Variants in NCOR2 observed in about 807,000 individuals in gnomAD.
NCOR2 encodes the protein nuclear receptor corepressor 2.
A neutral mutation model predicts 262.9 loss-of-function variants in NCOR2; 81 were observed. The ratio of observed to expected loss-of-function variants is 0.31; its 90% confidence interval spans 0.26 to 0.37. NCOR2 has a LOEUF of 0.37. NCOR2 is among the 10% of genes least tolerant of loss of function. The probability of loss-of-function intolerance (pLI) is 1.00; values close to 1 mark genes in which losing one functional copy is unlikely to be tolerated. For synonymous variants in NCOR2, 1,659 were observed against 1,559.3 expected (o/e 1.06, Z -1.51); for missense variants, 3,385 against 3,621.4 (o/e 0.93, Z 1.68).
chr12:124,360,225 A>G (rs1289051762), intron 22 of NCOR2, among the ~76,000 whole-genome samples: 1 of 152,192 alleles, frequency 6.6e-6, no homozygotes, highest in Non-Finnish European at 1.5e-5. Flanking sequence ...CGTCTCCCAG[A>G]GCCACACCCT....
At position 124,549,952 on chromosome 12, in the gene NCOR2, A is replaced by T. The variant is rs913046704; in HGVS notation, c.-164-14341T>A. Among the ~76,000 whole-genome samples, 1 of 151,580 alleles carries T rather than the reference A, an allele frequency of 6.6e-6. No homozygotes were observed. The highest frequency in any genetic ancestry group is 1.5e-5 in the Non-Finnish European group (1 of 67,864). On this transcript the variant is annotated intron_variant, in intron 1 of 32. Transcript: ENST00000458234. The surrounding 1 kb of genome is among the most constrained non-coding windows in gnomAD (Gnocchi z 4.4). The stretch of plus-strand genomic sequence containing the variant: ...ATGCTGGGCGCAAGCTCCGAGGAAA[A>T]CTCCTTCGCAGGACCTTTCTCCCCT...
intron 3 of NCOR2, among the ~76,000 whole-genome samples, chr12:124,473,671 T>C (rs2880492): frequency 0.061 from 9,319 of 152,260 alleles, 397 homozygotes; most frequent in African/African-American, 0.11. Flanking sequence ...CTGCCATCCA[T>C]GTAAGATGTG....
intron 1 of NCOR2, chr12:124,562,303 A>G (rs911178888): frequency 6.6e-6 from 1 of 152,036 alleles, no homozygotes; most frequent in Non-Finnish European, 1.5e-5. Context: ...ATCTCCCATC[A>G]CCGCAGGAGT....
intron 10 of NCOR2, chr12:124,429,357 G>T: frequency 1.9e-6 from 1 of 525,906 alleles, no homozygotes; most frequent in South Asian, 2.3e-5. Flanking sequence ...GTGGCATCTG[G>T]ATGGGGGAGC....
At chr12:124,435,238 T>A (rs2044264792) in intron 8 of NCOR2, among the ~76,000 whole-genome samples, 1 of 152,168 alleles carries the variant, frequency 6.6e-6, no homozygotes, top group South Asian at 2.1e-4. Context: ...GTGCAGCTCT[T>A]CTCCCCAGAT....
intron 44 of NCOR2, chr12:124,329,205 A>C (rs1429946572): frequency 8.6e-6 from 4 of 463,350 alleles, no homozygotes; most frequent in Middle Eastern, 3.3e-4. Context: ...TCACGCCTGT[A>C]ATCCCAGCAC....
intron 1 of NCOR2, among the ~76,000 whole-genome samples, chr12:124,492,846 A>G (rs1470462082): frequency 6.6e-6 from 1 of 151,900 alleles, no homozygotes; most frequent in Non-Finnish European, 1.5e-5. Context: ...GGCCCTCCTC[A>G]GAGTGCCCAG....
At chr12:124,381,911 C>G (rs2040438599) in intron 17 of NCOR2, among the ~76,000 whole-genome samples, 1 of 152,224 alleles carries the variant, frequency 6.6e-6, no homozygotes. Flanking sequence ...TGTTACATAA[C>G]TCCGGGACAT....
intron 16 of NCOR2, 38 bp downstream of exon 18, chr12:124,398,081 C>T (rs1425567861): frequency 6.2e-7 from 1 of 1,613,252 alleles, no homozygotes; most frequent in Non-Finnish European, 8.5e-7. Context: ...GCCCTGGATG[C>T]AAACCAACAA....
At chr12:124,414,168 GGGGACGGCT>G (rs1295491107) in intron 13 of NCOR2, among the ~76,000 whole-genome samples, 1 of 152,194 alleles carries the variant, frequency 6.6e-6, no homozygotes. Flanking sequence ...GTGCTGCCGA[GGGGACGGCT>G]GGGCCTCCCT....
chr12:124,390,204 G>C (rs1442229710), intron 16 of NCOR2, among the ~76,000 whole-genome samples: 1 of 152,146 alleles, frequency 6.6e-6, no homozygotes, highest in African/African-American at 2.4e-5. Context: ...CCAACCCCGT[G>C]AAATCACTCC....
chr12:124,416,284 A>G (rs2042854970), intron 13 of NCOR2, among the ~76,000 whole-genome samples: 2 of 152,178 alleles, frequency 1.3e-5, no homozygotes, highest in Admixed American at 6.5e-5. Context: ...GGGTCACATA[A>G]TCTCCCTTTC....
At chr12:124,397,178 C>T (rs1340373999) in intron 16 of NCOR2, among the ~76,000 whole-genome samples, 1 of 152,216 alleles carries the variant, frequency 6.6e-6, no homozygotes, top group Non-Finnish European at 1.5e-5. Context: ...AGGTGCTGCC[C>T]CGGCCTCAGC....
At chr12:124,435,317 A>G (rs2044271404) in intron 8 of NCOR2, among the ~76,000 whole-genome samples, 1 of 152,168 alleles carries the variant, frequency 6.6e-6, no homozygotes, top group Non-Finnish European at 1.5e-5. Context: ...TCTTAACTTG[A>G]TAAACAGATT....
At chr12:124,458,053 G>T (rs1455550991) in intron 5 of NCOR2, among the ~76,000 whole-genome samples, 1 of 152,238 alleles carries the variant, frequency 6.6e-6, no homozygotes, top group Non-Finnish European at 1.5e-5. Context: ...TGGCAAATGG[G>T]TGTTCACAGG....
intron 33 of NCOR2, 99 bp downstream of exon 35, chr12:124,342,906 C>A (rs1566369137): frequency 1.5e-6 from 2 of 1,332,246 alleles, no homozygotes; most frequent in East Asian, 5.0e-5. Flanking sequence ...CCAGGGGAAC[C>A]TGACAGTTGA....
chr12:124,515,827 C>T (rs1488678313), intron 1 of NCOR2, among the ~76,000 whole-genome samples: 3 of 152,166 alleles, frequency 2.0e-5, no homozygotes, highest in Admixed American at 1.3e-4. Flanking sequence ...TCTATGTGTT[C>T]TTATCACATG....
intron 44 of NCOR2, 158 bp from the exon 47 acceptor site, chr12:124,327,791 A>G: frequency 1.6e-6 from 1 of 613,134 alleles, no homozygotes; most frequent in African/African-American, 1.8e-5. Context: ...AAAGCAACAT[A>G]TTTATTTCCC....
At chr12:124,392,441 G>A (rs2136154368) in intron 16 of NCOR2, among the ~76,000 whole-genome samples, 1 of 152,230 alleles carries the variant, frequency 6.6e-6, no homozygotes, top group South Asian at 2.1e-4. Context: ...CAGTCTCCTT[G>A]GACGCGAGCC....
Sources: gnomAD v4.1 joint callset for allele counts (sites outside exome capture counted in the v4.1 genomes callset) on GRCh38, gnomAD v4.1.1 for gene constraint, Gnocchi (gnomAD v3.1) non-coding constraint, MANE v1.5 for transcripts, NCBI Gene and HGNC (gene_info 2026-07-23, HGNC 2026-07-21) for gene names.